The following NRXN3 variants were observed in gnomAD, a reference collection of about 807,000 sequenced individuals.
NRXN3 encodes the protein neurexin 3, also known as neurexin III.
Under a neutral mutation model 137.6 loss-of-function variants are expected in NRXN3, and 32 were observed. That is an observed-to-expected ratio of 0.23 (90% CI 0.18 to 0.31). The LOEUF (loss-of-function observed/expected upper bound fraction) is 0.31, where lower values mean the gene tolerates loss of function less well. Among genes scored for constraint, NRXN3 ranks in the 10% least tolerant of loss-of-function variants. The probability of loss-of-function intolerance (pLI) is 1.00; values close to 1 mark genes in which losing one functional copy is unlikely to be tolerated. For synonymous variants in NRXN3, 798 were observed against 784.5 expected (o/e 1.02, Z -0.29); for missense variants, 1,574 against 2,062.5 (o/e 0.76, Z 4.59).
chr14:78,542,603 C>T (rs1216878567), intron 4 of NRXN3, among the ~76,000 whole-genome samples: 2 of 152,174 alleles, frequency 1.3e-5, no homozygotes, highest in South Asian at 2.1e-4. Flanking sequence ...CATGGCTTCC[C>T]TTGGCTAGGA....
intron 6 of NRXN3, among the ~76,000 whole-genome samples, chr14:78,669,259 C>T (rs901561292): frequency 8.2e-5 from 12 of 147,046 alleles, no homozygotes; most frequent in African/African-American, 1.5e-4. Context: ...GTAGAAGTGG[C>T]GGTAATGGTA....
intron 4 of NRXN3, among the ~76,000 whole-genome samples, chr14:78,554,318 G>A (rs1196561226): frequency 3.3e-5 from 5 of 152,154 alleles, no homozygotes; most frequent in African/African-American, 1.2e-4. Context: ...ACTTGTGGGT[G>A]AGCTCAAGTA....
At chr14:79,089,340 G>A (rs1485392901) in intron 15 of NRXN3, among the ~76,000 whole-genome samples, 2 of 152,102 alleles carry the variant, frequency 1.3e-5, no homozygotes, top group Non-Finnish European at 2.9e-5. Flanking sequence ...AAACAAGGAA[G>A]GTGCTTTGGT....
At chr14:79,772,943 C>T (rs1472116165) in intron 19 of NRXN3, among the ~76,000 whole-genome samples, 1 of 152,068 alleles carries the variant, frequency 6.6e-6, no homozygotes, top group African/African-American at 2.4e-5. Context: ...AAAAAACATA[C>T]AACCCCATCA....
chr14:79,651,560 TA>T (rs1237984692), intron 16 of NRXN3, among the ~76,000 whole-genome samples: 2 of 152,080 alleles, frequency 1.3e-5, no homozygotes. Flanking sequence ...ATTGTTCCAT[TA>T]AAAAAACATT....
chr14:78,852,650 T>C (rs1378598907), intron 10 of NRXN3, among the ~76,000 whole-genome samples: 1 of 152,192 alleles, frequency 6.6e-6, no homozygotes, highest in African/African-American at 2.4e-5. Flanking sequence ...GACCCAAAAC[T>C]CTTAAGTCAG....
rs536931875 is a variant in NRXN3, at chr14:79,235,530, G to C, written c.3263-231691G>C. 6.6e-5 allele frequency among the ~76,000 whole-genome samples: 10 copies of C among 152,240 alleles called. No individual in the cohort carries two copies. In the East Asian group the frequency reaches 1.9e-3, roughly 30 times the overall value. ...GTGTCTATGATCCCATTCACAGACT[G>C]GTTCTGAATTAATTCTGTCAGTCTT... On this transcript the variant is annotated intron_variant, in intron 15 of 20. Transcript: ENST00000335750.
intron 4 of NRXN3, among the ~76,000 whole-genome samples, chr14:78,576,180 G>T (rs907228038): frequency 2.6e-5 from 4 of 152,156 alleles, no homozygotes; most frequent in Non-Finnish European, 5.9e-5. Context: ...GGAAATAGAG[G>T]CAAGTGAAAG....
At chr14:78,600,897 C>A (rs2097196539) in intron 4 of NRXN3, among the ~76,000 whole-genome samples, 1 of 152,170 alleles carries the variant, frequency 6.6e-6, no homozygotes, top group Non-Finnish European at 1.5e-5. Flanking sequence ...TTGGTATTAA[C>A]CTAGACCTTT....
At chr14:79,509,539 A>ATG (rs1461590216) in intron 16 of NRXN3, among the ~76,000 whole-genome samples, 3 of 124,636 alleles carry the variant, frequency 2.4e-5, no homozygotes, top group African/African-American at 9.9e-5. Flanking sequence ...TATATTATAT[A>ATG]TATGTGTGTG....
intron 10 of NRXN3, among the ~76,000 whole-genome samples, chr14:78,828,052 C>A (rs1397245342): frequency 6.6e-6 from 1 of 152,124 alleles, no homozygotes; most frequent in Non-Finnish European, 1.5e-5. Context: ...GTTCATGTCG[C>A]AATTACCTGC....
At chr14:78,428,633 C>T (rs140040586) in intron 4 of NRXN3, among the ~76,000 whole-genome samples, 174 of 152,182 alleles carry the variant, frequency 1.1e-3, no homozygotes, top group Middle Eastern at 3.4e-3. Context: ...TGAAAAGTCC[C>T]AAGCTCTACA....
At chr14:78,904,658 CG>C (rs1475062505) in intron 10 of NRXN3, among the ~76,000 whole-genome samples, 1 of 151,936 alleles carries the variant, frequency 6.6e-6, no homozygotes, top group Non-Finnish European at 1.5e-5. Flanking sequence ...ATTTGCTGAC[CG>C]TTCCAGTAAA....
intron 16 of NRXN3, among the ~76,000 whole-genome samples, chr14:79,521,121 A>G (rs1322521095): frequency 6.6e-6 from 1 of 152,156 alleles, no homozygotes; most frequent in Non-Finnish European, 1.5e-5. Flanking sequence ...GTAAAAGTTG[A>G]AAGTCTTTGT....
At chr14:79,675,917 C>G (rs141612516) in intron 17 of NRXN3, among the ~76,000 whole-genome samples, 2 of 152,206 alleles carry the variant, frequency 1.3e-5, no homozygotes, top group African/African-American at 4.8e-5. Flanking sequence ...ATAGTGCTTA[C>G]TTTTCTTTTA....
At chr14:79,590,237 T>C (rs555637267) in intron 16 of NRXN3, among the ~76,000 whole-genome samples, 12 of 151,970 alleles carry the variant, frequency 7.9e-5, no homozygotes, top group African/African-American at 2.9e-4. Context: ...TCTCATAATA[T>C]TGAATAAGTC....
At chr14:79,582,225 A>G (rs900225807) in intron 16 of NRXN3, among the ~76,000 whole-genome samples, 1 of 152,294 alleles carries the variant, frequency 6.6e-6, no homozygotes, top group African/African-American at 2.4e-5. Flanking sequence ...GATTACAGGC[A>G]TGAGCAACCA....
intron 8 of NRXN3, among the ~76,000 whole-genome samples, chr14:78,750,297 A>G (rs1223283383): frequency 6.6e-6 from 1 of 152,212 alleles, no homozygotes; most frequent in Non-Finnish European, 1.5e-5. Flanking sequence ...TAGTCGATAT[A>G]TCCTGGGTTC....
intron 4 of NRXN3, among the ~76,000 whole-genome samples, chr14:78,348,387 A>G (rs59836777): frequency 0.012 from 1,833 of 152,144 alleles, 31 homozygotes; most frequent in African/African-American, 0.041. Context: ...ACTTTAGTTT[A>G]CTCTTTCAAG....
Sources: gnomAD v4.1 joint callset for allele counts (sites outside exome capture counted in the v4.1 genomes callset) on GRCh38, gnomAD v4.1.1 for gene constraint, MANE v1.5 for transcripts, NCBI Gene and HGNC (gene_info 2026-07-23, HGNC 2026-07-21) for gene names.